Variants in METTL6 observed in about 807,000 individuals in gnomAD.
METTL6 encodes tRNA N(3)-cytidine methyltransferase METTL6.
METTL6 carries 22 observed loss-of-function variants against 26.4 expected under a neutral mutation model. The ratio of observed to expected loss-of-function variants is 0.83; its 90% CI spans 0.59 to 1.19. The LOEUF is 1.19. Among genes scored for constraint, METTL6 ranks in the 50% most tolerant of loss-of-function variants. METTL6 has a pLI of 0.00. For missense variants in METTL6, 304 were observed against 324.8 expected (o/e 0.94, Z 0.49); for synonymous variants, 109 against 116.2 (o/e 0.94, Z 0.40).
intron 5 of METTL6, among the ~76,000 whole-genome samples, chr3:15,413,179 G>T (rs1056195286): frequency 1.3e-5 from 2 of 152,042 alleles, no homozygotes; most frequent in African/African-American, 4.8e-5. Flanking sequence ...TGGGTGGTGG[G>T]GGTTGCAGTG....
intron 3 of METTL6, among the ~76,000 whole-genome samples, chr3:15,420,077 G>A (rs1374207090): frequency 6.6e-6 from 1 of 152,022 alleles, no homozygotes; most frequent in Non-Finnish European, 1.5e-5. Flanking sequence ...AACCAGGATG[G>A]TCTCGATCTC....
At chr3:15,427,228 T>C (rs2061746860) in intron 1 of METTL6, 174 bp downstream of exon 1, 1 of 157,236 alleles carries the variant, frequency 6.4e-6, no homozygotes, top group African/African-American at 2.4e-5. Flanking sequence ...GTGGCTGAGG[T>C]CCCGAGGATC....
At chr3:15,403,425 C>T (rs1045249149) in intron 6 of METTL6, among the ~76,000 whole-genome samples, 11 of 152,210 alleles carry the variant, frequency 7.2e-5, no homozygotes, top group Non-Finnish European at 1.2e-4. Flanking sequence ...CAAGGAGCTA[C>T]GTGTCATGTT....
intron 3 of METTL6, among the ~76,000 whole-genome samples, chr3:15,417,671 AAGAT>A (rs1190571363): frequency 1.3e-5 from 2 of 152,262 alleles, no homozygotes; most frequent in African/African-American, 2.4e-5. Context: ...TATATGATAA[AAGAT>A]AGACAAAGGT....
intron 3 of METTL6, among the ~76,000 whole-genome samples, chr3:15,416,467 C>T (rs1700210646): frequency 6.6e-6 from 1 of 152,016 alleles, no homozygotes; most frequent in Non-Finnish European, 1.5e-5. Flanking sequence ...GTTGTACAGG[C>T]TAGTCTTGAA....
chr3:15,409,244 C>G (rs1248437503), downstream of METTL6, among the ~76,000 whole-genome samples: 2 of 152,184 alleles, frequency 1.3e-5, no homozygotes, highest in Non-Finnish European at 2.9e-5. Flanking sequence ...GACCCCTCCT[C>G]CAGATGTAGT....
intron 3 of METTL6, among the ~76,000 whole-genome samples, chr3:15,419,023 C>G (rs975513561): frequency 1.7e-4 from 26 of 152,048 alleles, no homozygotes; most frequent in African/African-American, 6.3e-4. Flanking sequence ...TAAAAATTAG[C>G]CAGGCATGGT....
At chr3:15,417,059 C>A (rs1327703760) in intron 3 of METTL6, among the ~76,000 whole-genome samples, 2 of 152,196 alleles carry the variant, frequency 1.3e-5, no homozygotes, top group African/African-American at 2.4e-5. Context: ...GTAATCCCAG[C>A]AACCTGGGAG....
downstream of METTL6, among the ~76,000 whole-genome samples, chr3:15,408,649 G>A (rs999632385): frequency 1.4e-5 from 2 of 140,064 alleles, no homozygotes; most frequent in African/African-American, 5.4e-5. Context: ...TCACTCCATC[G>A]CTACAGCCTC....
Position 15,410,354 on chromosome 3 carries a change from G to A in METTL6, c.*902C>T, listed in dbSNP as rs1699918818. On this transcript the variant is annotated 3_prime_UTR_variant, in exon 6 of 6. Transcript: ENST00000383790. ...TTTGTTTTTTTTGAGACAGACTTTT[G>A]CTCTGTCGCCCAGGCTGGAGTGCAG... Among the ~76,000 whole-genome samples, 1 of 151,768 alleles carries A rather than the reference G, an allele frequency of 6.6e-6. No homozygotes were observed. The highest frequency in any genetic ancestry group is 2.1e-4 in the South Asian group (1 of 4,816).
At chr3:15,404,349 CTTAT>C (rs992523907) in intron 6 of METTL6, among the ~76,000 whole-genome samples, 3 of 151,964 alleles carry the variant, frequency 2.0e-5, no homozygotes, top group African/African-American at 7.3e-5. Context: ...ATTTATTTTA[CTTAT>C]TTATTTGAGA....
In METTL6 at chr3:15,414,037, T is replaced by A; in HGVS notation, c.657A>T (p.Ser219=). Residue 219 remains serine (S), a synonymous_variant, in exon 5 of 6, where the codon TCA becomes TCT. Coordinates refer to ENST00000383790, the MANE Select transcript of METTL6 (RefSeq NM_152396.4). The part of the protein sequence containing the change: ...NFYVRQDGTR[S]YFFTDDFLAQ... ...TCATCTTACCATCAGTAAAAAAATATGATCTGGTCCCATCTTGTCTAACAT... is the reference window on the plus strand; with the variant it reads ...TCATCTTACCATCAGTAAAAAAATAAGATCTGGTCCCATCTTGTCTAACAT... The A allele has an allele frequency of 1.9e-6, 3 of 1,614,046 alleles. No homozygotes were observed. The highest frequency in any genetic ancestry group is 2.5e-6 in the Non-Finnish European group (3 of 1,179,996).
chr3:15,398,496 A>G (rs374086777), intron 6 of METTL6, among the ~76,000 whole-genome samples: 7 of 152,154 alleles, frequency 4.6e-5, no homozygotes, highest in Admixed American at 4.6e-4. Flanking sequence ...AGCTGGCCCA[A>G]TGCTGAGAAT....
chr3:15,422,770 G>A (rs2125033450), intron 3 of METTL6, among the ~76,000 whole-genome samples: 1 of 152,320 alleles, frequency 6.6e-6, no homozygotes, highest in South Asian at 2.1e-4. Context: ...TAATGGCAAA[G>A]GGAATTTTAC....
At chr3:15,405,995 ATGTG>A (rs914289550), downstream of METTL6, among the ~76,000 whole-genome samples, 22 of 152,002 alleles carry the variant, frequency 1.4e-4, no homozygotes, top group African/African-American at 4.3e-4. Context: ...TGTATGGAGT[ATGTG>A]TGTGTGTATG....
intron 3 of METTL6, among the ~76,000 whole-genome samples, chr3:15,417,752 A>T (rs1309320138): frequency 6.6e-6 from 1 of 152,192 alleles, no homozygotes; most frequent in African/African-American, 2.4e-5. Flanking sequence ...TTCTCATTCA[A>T]TTTACTGTGT....
At chr3:15,385,707 AC>A (rs2124886457) in intron 6 of METTL6, among the ~76,000 whole-genome samples, 1 of 152,272 alleles carries the variant, frequency 6.6e-6, no homozygotes, top group South Asian at 2.1e-4. Context: ...AAAAACAAAA[AC>A]AAAAACCAAA....
chr3:15,404,469 A>G (rs944620668), intron 6 of METTL6, among the ~76,000 whole-genome samples: 4 of 150,804 alleles, frequency 2.7e-5, no homozygotes, highest in Non-Finnish European at 5.9e-5. Context: ...CAGCCTCCCG[A>G]GTACCTGGGA....
At chr3:15,383,071 T>C (rs1001533079) in exon 7 of METTL6, 1 of 152,192 alleles carries the variant, frequency 6.6e-6, no homozygotes, top group Non-Finnish European at 1.5e-5. Context: ...ATGGTGACCA[T>C]AGTCAATAAT....
Sources: gnomAD v4.1 joint callset for allele counts (sites outside exome capture counted in the v4.1 genomes callset) on GRCh38, gnomAD v4.1.1 for gene constraint, MANE v1.5 for transcripts, NCBI Gene and HGNC (gene_info 2026-07-23, HGNC 2026-07-21) for gene names.